Variants in TAS2R10 observed in about 807,000 individuals in gnomAD.
TAS2R10 encodes the protein taste 2 receptor member 10, also known as taste receptor type 2 member 10.
For missense variants in TAS2R10, 385 were observed against 362.0 expected (o/e 1.06, Z -0.52); for synonymous variants, 144 against 126.6 (o/e 1.14, Z -0.92).
chr12:10,826,210 C>A, exon 1 of TAS2R10: 2 of 1,613,132 alleles, frequency 1.2e-6, no homozygotes, highest in Non-Finnish European at 1.7e-6. Context: ...TCCCCAAAAC[C>A]CCAAACACTG....
exon 1 of TAS2R10, chr12:10,825,997 A>G (rs758599368): frequency 6.2e-7 from 1 of 1,613,672 alleles, no homozygotes; most frequent in South Asian, 1.1e-5. Context: ...TTGATTGATT[A>G]CCAATTACCC....
chr12:10,826,306 T>A, exon 1 of TAS2R10: 1 of 1,439,800 alleles, frequency 6.9e-7, no homozygotes, highest in South Asian at 1.3e-5. Flanking sequence ...GTTACATCTA[T>A]CTTAGATTAC....
chr12:10,825,230 T>G, downstream of TAS2R10: 1 of 777,896 alleles, frequency 1.3e-6, no homozygotes. Flanking sequence ...AAGATTTCAG[T>G]GATCTTTAAT....
exon 1 of TAS2R10, chr12:10,825,820 A>T (rs774819488): frequency 6.2e-7 from 1 of 1,612,660 alleles, no homozygotes; most frequent in Admixed American, 1.7e-5. Flanking sequence ...AATCATTAAG[A>T]ATCTTCGCAA....
chr12:10,825,692 C>A, exon 1 of TAS2R10: 2 of 1,613,486 alleles, frequency 1.2e-6, no homozygotes, highest in African/African-American at 1.3e-5. Flanking sequence ...TAAAAAAATA[C>A]ATGTAATTAG....
exon 1 of TAS2R10, chr12:10,825,490 C>A: frequency 1.2e-6 from 2 of 1,613,702 alleles, no homozygotes; most frequent in Non-Finnish European, 1.7e-6. Context: ...TCATTCCAAA[C>A]ATAAGCAGCA....
At chr12:10,825,532 T>G (rs749045938) in exon 1 of TAS2R10, 1 of 1,613,752 alleles carries the variant, frequency 6.2e-7, no homozygotes, top group Non-Finnish European at 8.5e-7. Flanking sequence ...AACATGATAT[T>G]TCTATGGCCA....
At chr12:10,825,259 A>G, downstream of TAS2R10, 1 of 1,008,230 alleles carries the variant, frequency 9.9e-7, no homozygotes, top group Non-Finnish European at 1.4e-6. Context: ...TAAAAAGACA[A>G]TGCAAGAATG....
chr12:10,825,517 A>G, exon 1 of TAS2R10: 1 of 1,613,774 alleles, frequency 6.2e-7, no homozygotes, highest in Non-Finnish European at 8.5e-7. Flanking sequence ...TTTCTCGCAC[A>G]GTAAAACATG....
rs151086569 is a variant in TAS2R10 at position 10,825,866 on chromosome 12, A to T, written c.404T>A (p.Phe135Tyr). 1.3e-5 allele frequency: 21 copies of T among 1,612,956 alleles called. No homozygotes were observed. Among genetic ancestry groups the T allele is most frequent in the Non-Finnish European group, 1.6e-5 (19 of 1,179,576 alleles). The change falls in exon 1 of 1, where the codon TTC (phenylalanine) becomes TAC (tyrosine). Residue 135 changes from phenylalanine to tyrosine, a missense_variant. By Grantham distance (22) the Phe-to-Tyr change is conservative (BLOSUM62 3). Transcript: ENST00000240619. ...ATTAAGTAACGATGAAATAAGTAAG[A>T]ATACTATCATGAAGGGAAGAACCAT...
rs779046327 is a variant in TAS2R10 at position 10,825,988 on chromosome 12, T to G, written c.282A>C (p.Ser94=). 7.4e-6 allele frequency: 12 copies of G among 1,613,552 alleles called. No individual in the cohort carries two copies. In the Middle Eastern group the frequency reaches 4.9e-4, roughly 66 times the overall value. Residue 94 remains serine, a synonymous_variant, in exon 1 of 1, where the codon TCA becomes TCC. Transcript: ENST00000240619. ...TGAGGCTGGTGGCAAACCACATACT[T>G]GATTGATTACCAATTACCCAAAAGT... is the stretch of plus-strand genomic sequence containing the variant.
chr12:10,825,739 C>CA, the TAS2R10 span: 1 of 1,613,376 alleles, frequency 6.2e-7, no homozygotes, highest in Non-Finnish European at 8.5e-7. Flanking sequence ...CCAGATTTAG[C>CA]AAAATCTGTT....
At position 10,826,004 on chromosome 12, in the gene TAS2R10, A is replaced by G. The variant is rs778153974; in HGVS notation, c.266T>C (p.Val89Ala). 4.3e-6 allele frequency: 7 copies of G among 1,613,648 alleles called. No homozygotes were observed. In the Admixed American group the frequency reaches 1.2e-4, roughly 27 times the overall value. Reference sequence around the variant, plus strand: ...CCACATACTTGATTGATTACCAATTACCCAAAAGTAACTAATATATTCAAT... The same window carrying G: ...CCACATACTTGATTGATTACCAATTGCCCAAAAGTAACTAATATATTCAAT... Residue 89 changes from valine to alanine, a missense_variant, in exon 1 of 1, where the codon GTA becomes GCA. Val to Ala is a moderately conservative substitution (Grantham distance 64). Coordinates refer to ENST00000240619, the Ensembl canonical transcript of TAS2R10.
At chr12:10,826,050 T>C in exon 1 of TAS2R10, 1 of 1,613,254 alleles carries the variant, frequency 6.2e-7, no homozygotes. Context: ...GAGGCATATA[T>C]ATTTGGAGAG....
exon 1 of TAS2R10, chr12:10,826,100 A>G (rs933398023): frequency 1.2e-6 from 2 of 1,613,486 alleles, no homozygotes; most frequent in Non-Finnish European, 1.7e-6. Flanking sequence ...TATCCATATC[A>G]GAAAAATTCT....
chr12:10,825,526 T>C (rs1182582208), exon 1 of TAS2R10: 9 of 1,613,626 alleles, frequency 5.6e-6, no homozygotes, highest in Non-Finnish European at 7.6e-6. Context: ...CAGTAAAACA[T>C]GATATTTCTA....
exon 1 of TAS2R10, chr12:10,826,246 G>C: frequency 6.2e-7 from 1 of 1,610,224 alleles, no homozygotes; most frequent in Non-Finnish European, 8.5e-7. Context: ...CAAAAATGAA[G>C]ATGCCTTCCA....
At chr12:10,825,622 G>C (rs1948858957) in exon 1 of TAS2R10, 2 of 1,613,820 alleles carry the variant, frequency 1.2e-6, no homozygotes, top group Admixed American at 1.7e-5. Context: ...CTGTGTTGGA[G>C]TCTCTCAATC....
At chr12:10,826,175 C>G (rs759033821) in exon 1 of TAS2R10, 10 of 1,613,228 alleles carry the variant, frequency 6.2e-6, no homozygotes, top group Non-Finnish European at 8.5e-6. Flanking sequence ...ACAGTCAATG[C>G]AGTTTACAAG....
Sources: gnomAD v4.1 joint callset for allele counts on GRCh38, gnomAD v4.1.1 for gene constraint, MANE v1.5 for transcripts, NCBI Gene and HGNC (gene_info 2026-07-23, HGNC 2026-07-21) for gene names.